Variants in CDK14 observed in about 807,000 individuals in gnomAD.
CDK14 encodes the protein cyclin-dependent kinase 14.
In CDK14, 34 loss-of-function variants were observed where a neutral mutation model predicts 60.7. The ratio of observed to expected loss-of-function variants is 0.56; its 90% CI spans 0.43 to 0.75. The LOEUF is 0.75. Ranked by LOEUF, CDK14 falls within the 30% of genes least tolerant of loss-of-function variation. The probability of loss-of-function intolerance (pLI) is 0.00; values close to 1 mark genes in which losing one functional copy is unlikely to be tolerated. For missense variants in CDK14, 482 were observed against 564.1 expected (o/e 0.85, Z 1.47); for synonymous variants, 197 against 203.7 (o/e 0.97, Z 0.28).
chr7:90,602,787 T>C (rs773718984), intron 1 of CDK14, among the ~76,000 whole-genome samples: 4 of 152,168 alleles, frequency 2.6e-5, no homozygotes, highest in African/African-American at 4.8e-5. Flanking sequence ...GGTTATCCAA[T>C]AAAGAAAGAT....
intron 4 of CDK14, among the ~76,000 whole-genome samples, chr7:90,777,970 T>C (rs1805119934): frequency 1.3e-5 from 2 of 152,354 alleles, no homozygotes; most frequent in East Asian, 1.9e-4. Flanking sequence ...GTTCTAGATA[T>C]AGAACATCAT....
chr7:91,025,832 G>A (rs724457), intron 10 of CDK14, among the ~76,000 whole-genome samples: 22,262 of 152,210 alleles, frequency 0.15, 1,847 homozygotes, highest in Middle Eastern at 0.27. Context: ...CTAAAAGAAT[G>A]AGTCCCCAGG....
At chr7:90,804,736 T>G (rs1052796117) in intron 5 of CDK14, among the ~76,000 whole-genome samples, 1 of 152,146 alleles carries the variant, frequency 6.6e-6, no homozygotes, top group Non-Finnish European at 1.5e-5. Context: ...GTAACTGAAT[T>G]CCTGGCTGTT....
chr7:90,729,315 C>T (rs1320057677), intron 3 of CDK14, among the ~76,000 whole-genome samples: 1 of 109,704 alleles, frequency 9.1e-6, no homozygotes, highest in African/African-American at 3.5e-5. Context: ...TTCTTACTGG[C>T]TTATGCCTTG....
intron 4 of CDK14, among the ~76,000 whole-genome samples, chr7:90,761,417 C>T (rs759479577): frequency 1.3e-5 from 2 of 151,924 alleles, no homozygotes; most frequent in Non-Finnish European, 2.9e-5. Context: ...TAAAACCCCT[C>T]TCCCAAAGTG....
At position 90,790,562 on chromosome 7, in the gene CDK14, A is replaced by G; in HGVS notation, c.465-11A>G. 1 of 1,596,020 alleles carries G rather than the reference A, an allele frequency of 6.3e-7. No individual in the cohort carries two copies. The highest frequency in any genetic ancestry group is 1.1e-5 in the South Asian group (1 of 89,488). On this transcript the variant is annotated splice_polypyrimidine_tract_variant and intron_variant, in intron 4 of 14. Transcript: ENST00000380050. ...ATTTTTATGAATTCACTTATCTTTC[A>G]TTTCTCACAGGGTAAATGGGAAGTT... is the stretch of plus-strand genomic sequence containing the variant.
chr7:91,190,692 G>T (rs1802333062), intron 14 of CDK14, among the ~76,000 whole-genome samples: 1 of 152,084 alleles, frequency 6.6e-6, no homozygotes, highest in Admixed American at 6.6e-5. Context: ...GTTTCGCCAT[G>T]CCGGACAGGC....
chr7:90,634,650 T>C (rs1800092015), intron 2 of CDK14, among the ~76,000 whole-genome samples: 2 of 152,056 alleles, frequency 1.3e-5, no homozygotes. Flanking sequence ...ATATACCCAG[T>C]AATGGGATGG....
At chr7:90,841,352 C>T (rs907271262) in intron 5 of CDK14, among the ~76,000 whole-genome samples, 2 of 151,858 alleles carry the variant, frequency 1.3e-5, no homozygotes, top group African/African-American at 2.4e-5. Flanking sequence ...AATATAGCCT[C>T]CTATGTTAAT....
intron 4 of CDK14, among the ~76,000 whole-genome samples, chr7:90,775,311 T>C (rs944695354): frequency 3.3e-5 from 5 of 152,228 alleles, no homozygotes; most frequent in African/African-American, 1.2e-4. Flanking sequence ...GGGTTTGACT[T>C]TGATTTTTAG....
chr7:90,661,420 G>A (rs1374214950), intron 2 of CDK14, among the ~76,000 whole-genome samples: 1 of 152,148 alleles, frequency 6.6e-6, no homozygotes, highest in East Asian at 1.9e-4. Flanking sequence ...AGGTCCTTGT[G>A]CCGAATTGTT....
chr7:90,813,265 G>T (rs918694050), intron 5 of CDK14, among the ~76,000 whole-genome samples: 5 of 152,170 alleles, frequency 3.3e-5, no homozygotes, highest in Admixed American at 3.3e-4. Context: ...AGTTGCCTGG[G>T]ACGAGCTGGG....
At chr7:90,769,073 T>G (rs1014668501) in intron 4 of CDK14, among the ~76,000 whole-genome samples, 9 of 152,254 alleles carry the variant, frequency 5.9e-5, no homozygotes, top group African/African-American at 2.2e-4. Flanking sequence ...TAGACATTTA[T>G]ATTCAATTTA....
intron 4 of CDK14, among the ~76,000 whole-genome samples, chr7:90,769,469 T>C (rs1238149070): frequency 3.4e-5 from 3 of 88,648 alleles, no homozygotes; most frequent in East Asian, 2.8e-3. Flanking sequence ...CTTTCTCTTT[T>C]CTTTCTTTTT....
At chr7:90,915,041 G>A (rs894847834) in intron 7 of CDK14, among the ~76,000 whole-genome samples, 8 of 152,148 alleles carry the variant, frequency 5.3e-5, no homozygotes, top group African/African-American at 1.9e-4. Context: ...GGGGTACAAG[G>A]GCTTGCAGGG....
Position 91,125,420 on chromosome 7 carries a change from C to T in CDK14, c.*28+7212C>T, listed in dbSNP as rs367793896. On this transcript the variant is annotated intron_variant, in intron 14 of 14. Transcript: ENST00000380050. ...TAATTAACAAAAAGTTTGCAATACT[C>T]TGAATTGCTTCTGTGAATAAAGCTT... 3.9e-5 allele frequency among the ~76,000 whole-genome samples: 6 copies of T among 152,278 alleles called. No individual in the cohort carries two copies. The East Asian group carries it at 7.7e-4, about 20-fold the overall frequency.
chr7:91,025,929 G>A (rs1013703521), intron 10 of CDK14, among the ~76,000 whole-genome samples: 5 of 152,066 alleles, frequency 3.3e-5, no homozygotes, highest in African/African-American at 1.2e-4. Context: ...TCCTCAACCT[G>A]TTGTGCTGTA....
At chr7:90,673,525 A>G (rs901327515) in intron 2 of CDK14, among the ~76,000 whole-genome samples, 6 of 151,684 alleles carry the variant, frequency 4.0e-5, no homozygotes, top group Admixed American at 1.3e-4. Context: ...GGGCTCAAGC[A>G]GTCCTCCCAC....
chr7:91,024,164 C>A (rs1174262196), intron 10 of CDK14, among the ~76,000 whole-genome samples: 1 of 151,864 alleles, frequency 6.6e-6, no homozygotes, highest in Non-Finnish European at 1.5e-5. Flanking sequence ...ATGATGTCAG[C>A]TGATATTTAC....
Sources: gnomAD v4.1 joint callset for allele counts (sites outside exome capture counted in the v4.1 genomes callset) on GRCh38, gnomAD v4.1.1 for gene constraint, MANE v1.5 for transcripts, NCBI Gene and HGNC (gene_info 2026-07-23, HGNC 2026-07-21) for gene names.